The following RPS6KC1 variants were observed in gnomAD, a reference collection of about 807,000 sequenced individuals.
The protein encoded by RPS6KC1 is inactive ribosomal protein S6 kinase delta-1.
Under a neutral mutation model 103.8 loss-of-function variants are expected in RPS6KC1, and 54 were observed. The ratio of observed to expected loss-of-function variants is 0.52; its 90% confidence interval spans 0.42 to 0.65. The LOEUF is 0.65. Among genes scored for constraint, RPS6KC1 ranks in the 30% least tolerant of loss-of-function variants. The probability of loss-of-function intolerance (pLI) is 0.00; values close to 1 mark genes in which losing one functional copy is unlikely to be tolerated. For synonymous variants in RPS6KC1, 439 were observed against 438.7 expected, an observed-to-expected ratio of 1.00 and a Z score of -0.01; for missense variants, 1,151 against 1,253.8, an observed-to-expected ratio of 0.92 and a Z score of 1.24.
chr1:213,053,658 A>G (rs2077115218), intron 1 of RPS6KC1, among the ~76,000 whole-genome samples: 1 of 152,174 alleles, frequency 6.6e-6, no homozygotes, highest in African/African-American at 2.4e-5. Context: ...GTACCAATCA[A>G]GATAGTTGAA....
the RPS6KC1 span, among the ~76,000 whole-genome samples, chr1:213,287,632 C>A: frequency 6.6e-6 from 1 of 152,122 alleles, no homozygotes; most frequent in African/African-American, 2.4e-5. Flanking sequence ...AACTTTATGG[C>A]AATGCAATTT....
At chr1:213,313,839 G>C in the RPS6KC1 span, among the ~76,000 whole-genome samples, 1 of 152,158 alleles carries the variant, frequency 6.6e-6, no homozygotes, top group African/African-American at 2.4e-5. Flanking sequence ...TGTAGTCCCA[G>C]CTACTTGGGA....
intron 3 of RPS6KC1, among the ~76,000 whole-genome samples, chr1:213,090,508 A>G (rs2080866176): frequency 6.6e-6 from 1 of 152,258 alleles, no homozygotes; most frequent in South Asian, 2.1e-4. Context: ...AGCCAAAATT[A>G]AAATGTTTGA....
the RPS6KC1 span, among the ~76,000 whole-genome samples, chr1:213,723,877 A>G: frequency 5.3e-5 from 8 of 151,394 alleles, 1 homozygote; most frequent in South Asian, 4.2e-4. Context: ...ATAAGAAAAC[A>G]TATATGACAT....
intron 4 of RPS6KC1, among the ~76,000 whole-genome samples, chr1:213,113,251 C>T (rs1371923566): frequency 6.6e-6 from 1 of 151,778 alleles, no homozygotes; most frequent in African/African-American, 2.4e-5. Context: ...TAATGATTGC[C>T]ATTCTAACTG....
the RPS6KC1 span, among the ~76,000 whole-genome samples, chr1:213,451,541 C>G: frequency 1.3e-5 from 2 of 152,194 alleles, no homozygotes; most frequent in African/African-American, 2.4e-5. Flanking sequence ...CTCCTAGGCT[C>G]CCACACAGTG....
the RPS6KC1 span, among the ~76,000 whole-genome samples, chr1:213,410,986 C>T: frequency 7.9e-4 from 120 of 152,042 alleles, 3 homozygotes; most frequent in South Asian, 0.022. Flanking sequence ...GCTGAAGCAA[C>T]GAAGGGTTGT....
the RPS6KC1 span, among the ~76,000 whole-genome samples, chr1:213,342,237 T>C: frequency 6.6e-6 from 1 of 152,178 alleles, no homozygotes; most frequent in Non-Finnish European, 1.5e-5. Context: ...GATCTGACAA[T>C]GCTGCCATTA....
intron 9 of RPS6KC1, among the ~76,000 whole-genome samples, chr1:213,231,384 C>T (rs1348824416): frequency 2.0e-5 from 3 of 151,994 alleles, no homozygotes; most frequent in African/African-American, 7.3e-5. Flanking sequence ...GAGAGAGAAC[C>T]CTCAATTTTG....
At chr1:213,786,609 A>G in the RPS6KC1 span, among the ~76,000 whole-genome samples, 1 of 152,238 alleles carries the variant, frequency 6.6e-6, no homozygotes. Flanking sequence ...CTTAAAGGTT[A>G]TTAGAAGAAC....
chr1:213,128,730 A>T (rs767040615), intron 5 of RPS6KC1, among the ~76,000 whole-genome samples: 1 of 152,190 alleles, frequency 6.6e-6, no homozygotes, highest in African/African-American at 2.4e-5. Context: ...CCAGTTACGG[A>T]TGGTTACCTA....
chr1:213,790,567 C>T, the RPS6KC1 span, among the ~76,000 whole-genome samples: 2 of 152,014 alleles, frequency 1.3e-5, no homozygotes, highest in African/African-American at 2.4e-5. Context: ...AATTCCATAA[C>T]TATTTTGAGA....
chr1:213,657,545 A>G, the RPS6KC1 span, among the ~76,000 whole-genome samples: 1 of 152,234 alleles, frequency 6.6e-6, no homozygotes, highest in Non-Finnish European at 1.5e-5. Context: ...AACCAAAGAA[A>G]CTAAAGAAAT....
chr1:213,148,521 G>A (rs2088168702), intron 6 of RPS6KC1, among the ~76,000 whole-genome samples: 1 of 152,104 alleles, frequency 6.6e-6, no homozygotes, highest in Non-Finnish European at 1.5e-5. Context: ...ATCTCAAGGG[G>A]TAAATCCCCC....
intron 10 of RPS6KC1, among the ~76,000 whole-genome samples, chr1:213,235,928 T>C (rs902164319): frequency 6.6e-6 from 1 of 152,124 alleles, no homozygotes; most frequent in Non-Finnish European, 1.5e-5. Context: ...AAAATGCTGA[T>C]GGCTTGGACA....
At chr1:213,163,864 G>A (rs1323365233) in intron 6 of RPS6KC1, among the ~76,000 whole-genome samples, 1 of 152,106 alleles carries the variant, frequency 6.6e-6, no homozygotes, top group South Asian at 2.1e-4. Flanking sequence ...TTCTGATTCT[G>A]CTTTGCTTTG....
chr1:213,301,063 A>G, the RPS6KC1 span, among the ~76,000 whole-genome samples: 1 of 152,068 alleles, frequency 6.6e-6, no homozygotes, highest in Non-Finnish European at 1.5e-5. Flanking sequence ...CGCCCCCTCT[A>G]CAGGCTCTTA....
intron 6 of RPS6KC1, among the ~76,000 whole-genome samples, chr1:213,156,134 C>G (rs2089859499): frequency 6.6e-6 from 1 of 152,188 alleles, no homozygotes; most frequent in South Asian, 2.1e-4. Context: ...TGTTTATTAT[C>G]TTGAAAAAGT....
the RPS6KC1 span, among the ~76,000 whole-genome samples, chr1:213,628,398 G>A: frequency 1.3e-5 from 2 of 152,028 alleles, no homozygotes; most frequent in South Asian, 4.2e-4. Flanking sequence ...ATTTTTTGAA[G>A]GGTTTTTTGT....
Sources: gnomAD v4.1 joint callset for allele counts (sites outside exome capture counted in the v4.1 genomes callset) on GRCh38, gnomAD v4.1.1 for gene constraint, MANE v1.5 for transcripts, NCBI Gene and HGNC (gene_info 2026-07-23, HGNC 2026-07-21) for gene names.